The following HEBP1 variants were observed in gnomAD, a reference collection of about 807,000 sequenced individuals.
HEBP1 encodes heme binding protein 1.
HEBP1 carries 13 observed loss-of-function variants against 20.4 expected under a neutral mutation model. The observed-to-expected ratio is 0.64, with a 90% CI of 0.42 to 1.01. HEBP1 has a LOEUF of 1.01. Ranked by LOEUF, HEBP1 falls within the 50% of genes least tolerant of loss-of-function variation. The pLI is 0.00. For synonymous variants in HEBP1, 92 were observed against 90.7 expected, an observed-to-expected ratio of 1.01 and a Z score of -0.08; for missense variants, 241 against 247.3, an observed-to-expected ratio of 0.97 and a Z score of 0.17.
At chr12:12,979,240 C>T (rs975129185) in intron 3 of HEBP1, among the ~76,000 whole-genome samples, 6 of 152,142 alleles carry the variant, frequency 3.9e-5, no homozygotes, top group African/African-American at 1.2e-4. Flanking sequence ...AAATTCACTC[C>T]GGGAAAACCC....
chr12:12,983,703 A>G (rs1864115438), intron 3 of HEBP1: 1 of 456,046 alleles, frequency 2.2e-6, no homozygotes, highest in South Asian at 1.5e-5. Flanking sequence ...AATTCCATGG[A>G]GCCAGGCTAG....
intron 1 of HEBP1, among the ~76,000 whole-genome samples, chr12:12,999,097 T>C (rs1864323306): frequency 6.6e-6 from 1 of 152,246 alleles, no homozygotes. Flanking sequence ...CTGTGCTCCC[T>C]GCGTAGCGCA....
intron 2 of HEBP1, among the ~76,000 whole-genome samples, chr12:12,987,612 T>TCTCTCTCTCTCTCTTTCTC (rs1230851526): frequency 8.5e-6 from 1 of 117,786 alleles, no homozygotes; most frequent in African/African-American, 3.1e-5. Flanking sequence ...CTCTCTCTCT[T>TCTCTCTCTCTCTCTTTCTC]TCTCTCTCTC....
intron 1 of HEBP1, among the ~76,000 whole-genome samples, chr12:12,999,621 C>T (rs769451563): frequency 2.0e-5 from 3 of 152,188 alleles, no homozygotes; most frequent in Non-Finnish European, 4.4e-5. Context: ...ACTGAAATCG[C>T]GGATAAAGGG....
At chr12:12,991,258 T>C (rs943076545) in intron 1 of HEBP1, among the ~76,000 whole-genome samples, 13 of 152,218 alleles carry the variant, frequency 8.5e-5, no homozygotes, top group Admixed American at 2.6e-4. Context: ...ATTGCTATTA[T>C]TATTTTTTGA....
chr12:12,995,788 G>A (rs1864281599), intron 1 of HEBP1, among the ~76,000 whole-genome samples: 1 of 152,164 alleles, frequency 6.6e-6, no homozygotes, highest in South Asian at 2.1e-4. Context: ...ATTTGCTTGT[G>A]ACATGGAACA....
At chr12:12,993,986 C>T (rs991823540) in intron 1 of HEBP1, among the ~76,000 whole-genome samples, 12 of 152,106 alleles carry the variant, frequency 7.9e-5, no homozygotes, top group African/African-American at 2.2e-4. Flanking sequence ...CCCAACCGGA[C>T]GTTCAGTCAC....
intron 3 of HEBP1, among the ~76,000 whole-genome samples, chr12:12,976,527 A>T (rs2136534779): frequency 6.6e-6 from 1 of 152,346 alleles, no homozygotes; most frequent in South Asian, 2.1e-4. Context: ...CCAGGCCAAG[A>T]TTAGGCCAAA....
chr12:12,983,648 C>T (rs768147758), intron 3 of HEBP1: 23 of 454,978 alleles, frequency 5.1e-5, no homozygotes, highest in Non-Finnish European at 9.7e-5. Flanking sequence ...CATCAAGTGG[C>T]GAGTTGAGGA....
chr12:12,987,590 T>TCTC lies in HEBP1; in HGVS notation c.218-259_218-258insGAG, dbSNP rs1592403807. Among the ~76,000 whole-genome samples, 22 of 133,304 alleles carry TCTC rather than the reference T, an allele frequency of 1.7e-4. 1 individual carries two copies. Among genetic ancestry groups the TCTC allele is most frequent in the African/African-American group, 5.8e-4 (20 of 34,566 alleles). The allele number at this position is 133,304 out of a possible 152,430, so 87.5% of individuals were successfully genotyped here. A position where few individuals can be genotyped will look rare whatever the true frequency, so the allele number is the denominator to read the frequency against. On this transcript the variant is annotated intron_variant, in intron 2 of 3. Transcript: ENST00000014930. Reference sequence around the variant, plus strand: ...TCAAGACTGTAGATTATCAGTCTCTTTCTCTCTCTCTCTCTCTCTCTTTCT... The same window carrying TCTC: ...TCAAGACTGTAGATTATCAGTCTCTTCTCTCTCTCTCTCTCTCTCTCTCTTTCT...
chr12:12,980,886 C>A (rs1341026577), intron 3 of HEBP1, among the ~76,000 whole-genome samples: 1 of 152,246 alleles, frequency 6.6e-6, no homozygotes, highest in African/African-American at 2.4e-5. Context: ...TTGTTCAAAC[C>A]CCAACATCTG....
Position 12,987,282 on chromosome 12 carries a change from C to T in HEBP1, c.268G>A (p.Glu90Lys). 6.2e-7 allele frequency: 1 copy of T among 1,614,096 alleles called. No individual in the cohort carries two copies. The highest frequency in any genetic ancestry group is 8.5e-7 in the Non-Finnish European group (1 of 1,180,012). The change falls in exon 3 of 4, where the codon GAA becomes AAA. Residue 90 changes from glutamate to lysine, a missense_variant. By Grantham distance (56) the Glu-to-Lys change is moderately conservative. Coordinates refer to ENST00000014930, the MANE Select transcript of HEBP1 (RefSeq NM_015987.5). ...VPISFAVFPN[E>K]DGSLQKKLKV... ...AATTTCTTCTGCAGAGAGCCATCTTCATTGGGGAACACAGCAAAGGAAATA... is the reference window on the plus strand; with the variant it reads ...AATTTCTTCTGCAGAGAGCCATCTTTATTGGGGAACACAGCAAAGGAAATA...
Position 13,000,085 on chromosome 12 carries a change from G to A in HEBP1, c.30C>T (p.Phe10=), listed in dbSNP as rs1864335840. 6.2e-7 allele frequency: 1 copy of A among 1,612,624 alleles called. No individual in the cohort carries two copies. Among genetic ancestry groups the A allele is most frequent in the East Asian group, 2.2e-5 (1 of 44,800 alleles). The change falls in exon 1 of 4, where the codon TTC becomes TTT. Residue 10 remains phenylalanine (F), a synonymous_variant. Coordinates refer to ENST00000014930, the MANE Select transcript of HEBP1 (RefSeq NM_015987.5). The part of the protein sequence containing the change: MLGMIKNSL[F]GSVETWPWQV... The stretch of plus-strand genomic sequence containing the variant: ...GCCAAGGCCACGTCTCTACGCTTCC[G>A]AACAGCGAGTTCTTGATCATGCCCA...
chr12:12,990,004 A>G (rs546398991), intron 1 of HEBP1, among the ~76,000 whole-genome samples: 30 of 152,202 alleles, frequency 2.0e-4, no homozygotes, highest in African/African-American at 6.3e-4. Flanking sequence ...AAAATGGTGT[A>G]GTATTTTGCA....
At chr12:12,983,860 C>T in intron 3 of HEBP1, 1 of 446,754 alleles carries the variant, frequency 2.2e-6, no homozygotes, top group South Asian at 1.6e-5. Flanking sequence ...AGCTCTAGGG[C>T]AAGAAATGCT....
chr12:12,987,779 G>A (rs1864172898), intron 2 of HEBP1, among the ~76,000 whole-genome samples: 1 of 152,070 alleles, frequency 6.6e-6, no homozygotes. Flanking sequence ...TGGGATTACA[G>A]GTGTGCGCCA....
At chr12:12,983,047 G>A (rs1864106106) in intron 3 of HEBP1, among the ~76,000 whole-genome samples, 2 of 152,168 alleles carry the variant, frequency 1.3e-5, no homozygotes, top group African/African-American at 4.8e-5. Flanking sequence ...ACTGAATGAT[G>A]AACTGGGTTG....
At position 12,975,128 on chromosome 12, in the gene HEBP1, A is replaced by G. The variant is rs772656568; in HGVS notation, c.*180T>C. ...CTTGGCTGTATTATTTCCTACTGTG[A>G]GAAAAGAGACTTAGTATATGGAACA... is the stretch of plus-strand genomic sequence containing the variant. On this transcript the variant is annotated 3_prime_UTR_variant, in exon 4 of 4. Transcript: ENST00000014930. 1.8e-6 allele frequency: 1 copy of G among 549,126 alleles called. No individual in the cohort carries two copies. Among genetic ancestry groups the G allele is most frequent in the Non-Finnish European group, 3.2e-6 (1 of 313,286 alleles). The allele number at this position is 549,126 out of a possible 1,614,324, so 34.0% of individuals were successfully genotyped here.
At chr12:12,980,664 G>T (rs747915513) in intron 3 of HEBP1, 2 of 146,922 alleles carry the variant, frequency 1.4e-5, no homozygotes, top group Non-Finnish European at 3.0e-5. Context: ...TCTGGAAGTG[G>T]ATGTTGTGTC....
Sources: gnomAD v4.1 joint callset for allele counts (sites outside exome capture counted in the v4.1 genomes callset) on GRCh38, gnomAD v4.1.1 for gene constraint, MANE v1.5 for transcripts, NCBI Gene and HGNC (gene_info 2026-07-23, HGNC 2026-07-21) for gene names.